Variants in NCOA1 observed in about 807,000 individuals in gnomAD.
NCOA1 encodes the protein Hin-2 protein.
In NCOA1, 35 loss-of-function variants were observed where a neutral mutation model predicts 150.9. The ratio of observed to expected loss-of-function variants is 0.23; its 90% CI spans 0.18 to 0.31. The LOEUF (loss-of-function observed/expected upper bound fraction) is 0.31, where lower values mean the gene tolerates loss of function less well. NCOA1 is among the 10% of genes least tolerant of loss of function. The pLI, the probability that NCOA1 is intolerant of heterozygous loss-of-function variation, is 1.00. For synonymous variants in NCOA1, 590 were observed against 630.0 expected (o/e 0.94, Z 0.95); for missense variants, 1,491 against 1,749.3 (o/e 0.85, Z 2.63).
intron 2 of NCOA1, among the ~76,000 whole-genome samples, chr2:24,576,150 T>TTTG (rs1666954191): frequency 1.1e-5 from 1 of 92,540 alleles, no homozygotes; most frequent in Non-Finnish European, 2.2e-5. Flanking sequence ...TTGGCCTTTG[T>TTTG]TTTTTTTTTT....
intron 1 of NCOA1, among the ~76,000 whole-genome samples, chr2:24,520,664 C>T (rs1314052931): frequency 6.6e-6 from 1 of 152,146 alleles, no homozygotes; most frequent in African/African-American, 2.4e-5. Context: ...ATGGATATTG[C>T]ATTATCTGGA....
chr2:24,658,661 G>T lies in NCOA1; in HGVS notation c.-17G>T, dbSNP rs201529302. On this transcript the variant is annotated splice_region_variant and 5_prime_UTR_variant, in exon 5 of 23. Coordinates refer to ENST00000348332, the MANE Select transcript of NCOA1 (RefSeq NM_003743.5). ...TCTTACTGTTGTCCTTCCTGTTTAG[G>T]TGTGAAGTTTTTCAACATGAGTGGC... is the stretch of plus-strand genomic sequence containing the variant. 6.2e-7 allele frequency: 1 copy of T among 1,609,436 alleles called. No homozygotes were observed. Among genetic ancestry groups the T allele is most frequent in the Non-Finnish European group, 8.5e-7 (1 of 1,175,966 alleles).
chr2:24,674,612 A>T (rs978552635), intron 7 of NCOA1, among the ~76,000 whole-genome samples: 1 of 152,212 alleles, frequency 6.6e-6, no homozygotes, highest in Non-Finnish European at 1.5e-5. Flanking sequence ...TAATGTATTT[A>T]TTCAACAAAG....
chr2:24,532,565 C>G (rs949073020), intron 1 of NCOA1, among the ~76,000 whole-genome samples: 2 of 152,114 alleles, frequency 1.3e-5, no homozygotes, highest in African/African-American at 4.8e-5. Flanking sequence ...AGGTTTTCTT[C>G]TAGGGTTTTT....
intron 7 of NCOA1, among the ~76,000 whole-genome samples, chr2:24,677,997 A>G (rs1228153434): frequency 3.3e-5 from 5 of 152,076 alleles, no homozygotes; most frequent in Non-Finnish European, 7.4e-5. Context: ...TATTAAGCCC[A>G]GCATCCATTA....
intron 11 of NCOA1, among the ~76,000 whole-genome samples, chr2:24,700,668 G>C (rs1007066659): frequency 6.6e-6 from 1 of 152,174 alleles, no homozygotes; most frequent in African/African-American, 2.4e-5. Flanking sequence ...ATCCATGCAA[G>C]TGTGTATAGT....
intron 1 of NCOA1, among the ~76,000 whole-genome samples, chr2:24,534,145 T>G (rs1335096066): frequency 6.6e-6 from 1 of 152,214 alleles, no homozygotes; most frequent in East Asian, 1.9e-4. Context: ...TATTCAGAGA[T>G]TCAACTTCTT....
intron 14 of NCOA1, among the ~76,000 whole-genome samples, chr2:24,720,187 A>G (rs1402170077): frequency 6.6e-6 from 1 of 152,238 alleles, no homozygotes; most frequent in Admixed American, 6.5e-5. Flanking sequence ...TAAATAGGCA[A>G]TGCCAAAGAA....
At chr2:24,642,037 T>TGTGTGTGTGTGTGTGCGCGCGC (rs942145000) in intron 3 of NCOA1, among the ~76,000 whole-genome samples, 113 of 138,552 alleles carry the variant, frequency 8.2e-4, no homozygotes, top group African/African-American at 2.6e-3. Flanking sequence ...TGTGTGTGTG[T>TGTGTGTGTGTGTGTGCGCGCGC]GCGCGCGTGC....
intron 2 of NCOA1, among the ~76,000 whole-genome samples, chr2:24,568,677 A>G (rs1221669360): frequency 1.3e-5 from 2 of 152,238 alleles, no homozygotes; most frequent in Admixed American, 6.5e-5. Context: ...TCTACTCACT[A>G]CTATTGAGAA....
chr2:24,594,384 G>A (rs1250124231), intron 3 of NCOA1, among the ~76,000 whole-genome samples: 1 of 152,086 alleles, frequency 6.6e-6, no homozygotes, highest in Admixed American at 6.6e-5. Flanking sequence ...TGGGGGTATT[G>A]CTGTCACAAT....
At position 24,592,970 on chromosome 2, in the gene NCOA1, C is replaced by T. The variant is rs56401269; in HGVS notation, c.-175+8410C>T. ...TCTATTTTCTTACCATCTTTCTGGG[C>T]CAATGGTGAGTGATAGTAATACTGA... On this transcript the variant is annotated intron_variant, in intron 3 of 22. Transcript: ENST00000348332. 8.4e-4 allele frequency among the ~76,000 whole-genome samples: 128 copies of T among 152,040 alleles called. 1 individual carries two copies. Among genetic ancestry groups the T allele is most frequent in the African/African-American group, 3.1e-3 (127 of 41,454 alleles).
chr2:24,744,516 A>G (rs766258179), intron 19 of NCOA1, among the ~76,000 whole-genome samples: 14 of 152,248 alleles, frequency 9.2e-5, no homozygotes, highest in Non-Finnish European at 1.9e-4. Flanking sequence ...ATTGATCAGC[A>G]GTCTGGTAGA....
intron 1 of NCOA1, among the ~76,000 whole-genome samples, chr2:24,544,571 A>G (rs1307364534): frequency 6.6e-6 from 1 of 152,046 alleles, no homozygotes; most frequent in Admixed American, 6.6e-5. Flanking sequence ...GCAAAACCTC[A>G]TTTCTACAAA....
chr2:24,739,406 A>G (rs1446223504), intron 17 of NCOA1, 26 bp from the exon 18 acceptor site: 1 of 1,500,148 alleles, frequency 6.7e-7, no homozygotes, highest in Non-Finnish European at 9.3e-7. Flanking sequence ...GTAGAAATAT[A>G]TCTTATTGTT....
intron 1 of NCOA1, among the ~76,000 whole-genome samples, chr2:24,502,406 G>A (rs1162589467): frequency 5.9e-5 from 9 of 152,042 alleles, no homozygotes; most frequent in Admixed American, 5.9e-4. Flanking sequence ...TTAATTATTG[G>A]TCAAACAATT....
chr2:24,640,526 G>C (rs1270357839), intron 3 of NCOA1, among the ~76,000 whole-genome samples: 1 of 151,998 alleles, frequency 6.6e-6, no homozygotes, highest in Non-Finnish European at 1.5e-5. Context: ...TTATGATTCT[G>C]GCCGGGCATG....
At chr2:24,679,128 G>T (rs1011278880) in intron 7 of NCOA1, among the ~76,000 whole-genome samples, 1 of 152,306 alleles carries the variant, frequency 6.6e-6, no homozygotes, top group Middle Eastern at 3.4e-3. Context: ...TGTGACACAC[G>T]GTGGTCTTCT....
intron 3 of NCOA1, among the ~76,000 whole-genome samples, chr2:24,639,916 GTATATATATATATATATATA>G (rs67632791): frequency 0.045 from 1,347 of 29,718 alleles, 99 homozygotes; most frequent in African/African-American, 0.058. Context: ...ATGTGTGTGT[GTATATATATATATATATATA>G]TATATATATA....
Sources: gnomAD v4.1 joint callset for allele counts (sites outside exome capture counted in the v4.1 genomes callset) on GRCh38, gnomAD v4.1.1 for gene constraint, MANE v1.5 for transcripts, NCBI Gene and HGNC (gene_info 2026-07-23, HGNC 2026-07-21) for gene names.